REC114: variants seen among roughly 807,000 people sequenced by gnomAD.
REC114 encodes REC114 meiotic recombination protein.
In REC114, 27 loss-of-function variants were observed where a neutral mutation model predicts 31.3. The ratio of observed to expected loss-of-function variants is 0.86; its 90% CI spans 0.64 to 1.19. The LOEUF (loss-of-function observed/expected upper bound fraction) is 1.19, where lower values mean the gene tolerates loss of function less well. REC114 is among the 50% of genes most tolerant of loss of function. The pLI is 0.00. For missense variants in REC114, 344 were observed against 326.9 expected, an observed-to-expected ratio of 1.05 and a Z score of -0.40; for synonymous variants, 134 against 127.7, an observed-to-expected ratio of 1.05 and a Z score of -0.33.
intron 2 of REC114, among the ~76,000 whole-genome samples, chr15:73,528,761 G>T (rs1894038124): frequency 6.6e-6 from 1 of 152,198 alleles, no homozygotes; most frequent in Admixed American, 6.5e-5. Context: ...CAAGGGCAGA[G>T]TTGAGTAGGT....
At position 73,559,753 on chromosome 15, in the gene REC114, C is replaced by A; in HGVS notation, c.638C>A (p.Thr213Asn). ...ACGACTTTTCTGGTATCCCTGCAGA[C>A]TCTTCTGGCATCGGAGGAGCTGCCC... ...GRTSLTQLAQ[T>N]LLASEELPHV... The change falls in exon 6 of 6, where the codon ACT becomes AAT. Residue 213 changes from threonine to asparagine, a missense_variant and splice_region_variant. Coordinates refer to ENST00000331090, the MANE Select transcript of REC114 (RefSeq NM_001042367.2). 6.4e-7 allele frequency: 1 copy of A among 1,561,064 alleles called. No individual in the cohort carries two copies. The highest frequency in any genetic ancestry group is 8.6e-7 in the Non-Finnish European group (1 of 1,160,738).
At chr15:73,447,233 T>A (rs1892777559) in intron 1 of REC114, among the ~76,000 whole-genome samples, 1 of 152,084 alleles carries the variant, frequency 6.6e-6, no homozygotes, top group Non-Finnish European at 1.5e-5. Flanking sequence ...AGATACTGAA[T>A]AGGTGGTTGG....
intron 2 of REC114, among the ~76,000 whole-genome samples, chr15:73,506,806 T>C (rs919289675): frequency 2.6e-5 from 4 of 152,204 alleles, no homozygotes; most frequent in African/African-American, 9.7e-5. Flanking sequence ...AAGGTACTTG[T>C]ATAAATTTGT....
At chr15:73,547,212 C>A (rs1354292468) in intron 3 of REC114, among the ~76,000 whole-genome samples, 3 of 152,076 alleles carry the variant, frequency 2.0e-5, no homozygotes, top group Admixed American at 6.6e-5. Context: ...GAAAAAAAAT[C>A]TAATAATCTG....
At chr15:73,528,314 T>C (rs994934826) in intron 2 of REC114, among the ~76,000 whole-genome samples, 4 of 152,188 alleles carry the variant, frequency 2.6e-5, no homozygotes, top group Admixed American at 6.5e-5. Flanking sequence ...GCAGTGATTA[T>C]CAATGGCTGC....
intron 4 of REC114, among the ~76,000 whole-genome samples, chr15:73,554,998 T>G (rs1312555615): frequency 2.6e-5 from 4 of 152,232 alleles, no homozygotes; most frequent in Admixed American, 6.5e-5. Context: ...GACTATTGAT[T>G]ATAGAGTCCT....
At chr15:73,536,391 C>G (rs144956733) in intron 2 of REC114, among the ~76,000 whole-genome samples, 1 of 152,272 alleles carries the variant, frequency 6.6e-6, no homozygotes, top group African/African-American at 2.4e-5. Flanking sequence ...TGACACATTT[C>G]CCCCTCCTCT....
chr15:73,534,294 A>G (rs1254727278), intron 2 of REC114, among the ~76,000 whole-genome samples: 1 of 152,198 alleles, frequency 6.6e-6, no homozygotes, highest in Non-Finnish European at 1.5e-5. Context: ...TAGCAAGACT[A>G]ATAAAAAAAG....
chr15:73,466,659 T>G (rs1893065138), intron 1 of REC114, among the ~76,000 whole-genome samples: 1 of 152,246 alleles, frequency 6.6e-6, no homozygotes, highest in Non-Finnish European at 1.5e-5. Context: ...TTAACGTTCT[T>G]TAGTTTCAAA....
intron 5 of REC114, among the ~76,000 whole-genome samples, chr15:73,558,440 A>C (rs1223162027): frequency 6.6e-6 from 1 of 152,194 alleles, no homozygotes; most frequent in African/African-American, 2.4e-5. Context: ...CAAATTGTCA[A>C]GATTTTTATT....
chr15:73,475,138 T>G (rs1265001566), intron 2 of REC114, among the ~76,000 whole-genome samples: 1 of 152,180 alleles, frequency 6.6e-6, no homozygotes, highest in African/African-American at 2.4e-5. Flanking sequence ...CAGTTTGGCT[T>G]CCTCGGGCAT....
chr15:73,515,989 C>CTTT (rs200952058), intron 2 of REC114, among the ~76,000 whole-genome samples: 1 of 143,206 alleles, frequency 7.0e-6, no homozygotes, highest in Non-Finnish European at 1.5e-5. Flanking sequence ...CTAGCTTTTT[C>CTTT]TTTTTTTTTT....
intron 2 of REC114, among the ~76,000 whole-genome samples, chr15:73,536,772 G>C: frequency 6.6e-6 from 1 of 152,188 alleles, no homozygotes; most frequent in East Asian, 1.9e-4. Flanking sequence ...ATAAAAGTAA[G>C]ATGTTCTATA....
intron 2 of REC114, among the ~76,000 whole-genome samples, chr15:73,520,012 G>A (rs578036120): frequency 1.6e-4 from 25 of 151,996 alleles, no homozygotes; most frequent in African/African-American, 5.8e-4. Flanking sequence ...TAGAATATTA[G>A]TTTTTTTTGC....
rs759500762 is a variant in REC114, at chr15:73,551,134, TCCC to T, written c.531_533del (p.Pro178del). 15 of 1,607,838 alleles carry T rather than the reference TCCC, an allele frequency of 9.3e-6. No individual in the cohort carries two copies. Among genetic ancestry groups the T allele is most frequent in the Middle Eastern group, 3.4e-4 (2 of 5,826 alleles). On this transcript the variant is annotated inframe_deletion, in exon 4 of 6. Coordinates refer to ENST00000331090, the MANE Select transcript of REC114 (RefSeq NM_001042367.2). ...CAAGGGAAGGATTCTGCAAAGAGTG[TCCC>T]ACGGCAGCCTGGAGTAAGTAGGCTG...
intron 5 of REC114, among the ~76,000 whole-genome samples, chr15:73,558,240 G>C (rs924609236): frequency 1.3e-5 from 2 of 152,170 alleles, no homozygotes; most frequent in Admixed American, 6.5e-5. Context: ...AGAGTTCCTG[G>C]AGAAATACCA....
At chr15:73,450,820 G>A (rs1386330183) in intron 1 of REC114, among the ~76,000 whole-genome samples, 1 of 152,194 alleles carries the variant, frequency 6.6e-6, no homozygotes, top group Non-Finnish European at 1.5e-5. Context: ...TAGAACTCAG[G>A]ATTAAGACAC....
intron 2 of REC114, among the ~76,000 whole-genome samples, chr15:73,495,504 G>GT (rs1176558163): frequency 1.4e-5 from 2 of 143,458 alleles, no homozygotes; most frequent in Non-Finnish European, 3.0e-5. Flanking sequence ...TGCACTGCCA[G>GT]TCTTAAAAAA....
chr15:73,528,184 TATA>T (rs1427880971), intron 2 of REC114, among the ~76,000 whole-genome samples: 1 of 152,178 alleles, frequency 6.6e-6, no homozygotes, highest in Non-Finnish European at 1.5e-5. Flanking sequence ...TTTTACCTAG[TATA>T]ACAAAATAGT....
Sources: allele counts gnomAD v4.1 joint callset (sites outside exome capture counted in the v4.1 genomes callset), GRCh38; gene constraint gnomAD v4.1.1; transcripts MANE v1.5; gene names NCBI Gene and HGNC (gene_info 2026-07-23, HGNC 2026-07-21).